Variants in MDGA2 observed in about 807,000 individuals in gnomAD.
MDGA2 encodes the protein MAM domain-containing glycosylphosphatidylinositol anchor protein 2.
Under a neutral mutation model 117.8 loss-of-function variants are expected in MDGA2, and 40 were observed. The observed-to-expected ratio is 0.34, with a 90% CI of 0.26 to 0.44. The LOEUF (loss-of-function observed/expected upper bound fraction) is 0.44, where lower values mean the gene tolerates loss of function less well. Among genes scored for constraint, MDGA2 ranks in the 20% least tolerant of loss-of-function variants. MDGA2 has a pLI of 1.00. For synonymous variants in MDGA2, 452 were observed against 439.0 expected (o/e 1.03, Z -0.37); for missense variants, 1,123 against 1,250.6 (o/e 0.90, Z 1.54).
chr14:47,463,051 C>T (rs1177319889), intron 1 of MDGA2, among the ~76,000 whole-genome samples: 1 of 151,944 alleles, frequency 6.6e-6, no homozygotes, highest in Non-Finnish European at 1.5e-5. Context: ...CAGAAATAAA[C>T]TAAAATCTAA....
At chr14:47,383,245 A>G (rs1891677401) in intron 1 of MDGA2, among the ~76,000 whole-genome samples, 1 of 152,156 alleles carries the variant, frequency 6.6e-6, no homozygotes, top group East Asian at 1.9e-4. Flanking sequence ...TATCTAATGT[A>G]AATGATGAGT....
Position 47,175,657 on chromosome 14 carries a change from A to C in MDGA2, c.596-31383T>G, listed in dbSNP as rs1426354446. On this transcript the variant is annotated intron_variant, in intron 3 of 16. Transcript: ENST00000399232. Reference sequence around the variant, plus strand: ...TATTGATGGGACGTATCTCAAAATAATAAGAGCTATCTATGACAAACCCAC... The same window carrying C: ...TATTGATGGGACGTATCTCAAAATACTAAGAGCTATCTATGACAAACCCAC... 9.2e-5 allele frequency among the ~76,000 whole-genome samples: 14 copies of C among 151,862 alleles called. No homozygotes were observed. In the South Asian group the frequency reaches 2.3e-3, roughly 25 times the overall value.
At chr14:47,471,600 A>C (rs1893730059) in intron 1 of MDGA2, among the ~76,000 whole-genome samples, 1 of 152,244 alleles carries the variant, frequency 6.6e-6, no homozygotes, top group Admixed American at 6.5e-5. Flanking sequence ...AGTTTTGCTT[A>C]CATGGATTTA....
At chr14:47,347,356 G>C (rs1329470675) in intron 1 of MDGA2, among the ~76,000 whole-genome samples, 1 of 152,142 alleles carries the variant, frequency 6.6e-6, no homozygotes, top group Non-Finnish European at 1.5e-5. Context: ...TTAGAAAAAG[G>C]CAGAAAACAT....
chr14:47,349,917 C>G (rs183619790), intron 1 of MDGA2, among the ~76,000 whole-genome samples: 1 of 152,326 alleles, frequency 6.6e-6, no homozygotes, highest in Middle Eastern at 3.4e-3. Flanking sequence ...GTGAGAGGCA[C>G]TGGCAGGAGA....
At position 47,377,103 on chromosome 14, in the gene MDGA2, G is replaced by C. The variant is rs376625865; in HGVS notation, c.281-75553C>G. Among the ~76,000 whole-genome samples, 38 of 152,232 alleles carry C rather than the reference G, an allele frequency of 2.5e-4. 2 individuals are homozygous for C. In the East Asian group the frequency reaches 2.5e-3, roughly 10 times the overall value. ...GTGGTTTTCTGTGGAGAGGAGAAAT[G>C]GGTACTTAGAATGAGATGATATATA... On this transcript the variant is annotated intron_variant, in intron 1 of 16. Coordinates refer to ENST00000399232, the MANE Select transcript of MDGA2 (RefSeq NM_001113498.3).
In MDGA2 at chr14:47,312,823, C is replaced by G. The variant is rs575922366; in HGVS notation, c.281-11273G>C. On this transcript the variant is annotated intron_variant, in intron 1 of 16. Transcript: ENST00000399232. The stretch of plus-strand genomic sequence containing the variant: ...GGAATTTCAGGCATGAGCCACCATG[C>G]CTGGCCTATCACAGAACCTTAGAAT... 6.1e-5 allele frequency among the ~76,000 whole-genome samples: 9 copies of G among 148,754 alleles called. No homozygotes were observed. The East Asian group carries it at 1.8e-3, about 30-fold the overall frequency.
intron 1 of MDGA2, among the ~76,000 whole-genome samples, chr14:47,493,130 A>G (rs1894207181): frequency 6.6e-6 from 1 of 151,868 alleles, no homozygotes; most frequent in African/African-American, 2.4e-5. Context: ...ATTTTAAACT[A>G]TCTTTGCAAT....
intron 7 of MDGA2, among the ~76,000 whole-genome samples, chr14:47,046,187 G>T (rs1385543987): frequency 1.3e-5 from 2 of 151,298 alleles, no homozygotes; most frequent in Non-Finnish European, 2.9e-5. Context: ...AAGAAAGGGG[G>T]TATGATAAGA....
chr14:47,644,398 A>G (rs944789638), intron 1 of MDGA2, among the ~76,000 whole-genome samples: 1 of 152,220 alleles, frequency 6.6e-6, no homozygotes, highest in Non-Finnish European at 1.5e-5. Context: ...AAAAGATTAC[A>G]ATCTTGTCAT....
At chr14:47,472,231 G>C (rs1269166321) in intron 1 of MDGA2, among the ~76,000 whole-genome samples, 2 of 152,146 alleles carry the variant, frequency 1.3e-5, no homozygotes, top group Non-Finnish European at 2.9e-5. Flanking sequence ...ATACAGTCAT[G>C]TGTTGATTAA....
rs374222551 is a variant in MDGA2 at position 46,854,992 on chromosome 14, A to G, written c.2883+32T>C. ...CACCTTTAATATTATGCTCATTTAC[A>G]GCAATTAATTAGCCAAAACTACTTT... On this transcript the variant is annotated intron_variant, in intron 15 of 16. Coordinates refer to ENST00000399232, the MANE Select transcript of MDGA2 (RefSeq NM_001113498.3). The G allele has an allele frequency of 5.8e-4, 894 of 1,550,288 alleles. 2 individuals are homozygous for G. Among genetic ancestry groups the G allele is most frequent in the Middle Eastern group, 2.9e-3 (17 of 5,770 alleles).
chr14:47,236,301 A>AAAC (rs1886860887), intron 2 of MDGA2, among the ~76,000 whole-genome samples: 1 of 150,848 alleles, frequency 6.6e-6, no homozygotes, highest in Non-Finnish European at 1.5e-5. Context: ...AAAAAAAAAA[A>AAAC]AAAAAAAAAA....
At chr14:47,118,582 C>A (rs1333435142) in intron 5 of MDGA2, among the ~76,000 whole-genome samples, 1 of 152,076 alleles carries the variant, frequency 6.6e-6, no homozygotes, top group African/African-American at 2.4e-5. Context: ...CTGAAATATC[C>A]TTGTAGAGCA....
Position 47,518,302 on chromosome 14 carries a change from T to C in MDGA2, c.280+156215A>G, listed in dbSNP as rs1439358507. Among the ~76,000 whole-genome samples, 4 of 152,158 alleles carry C rather than the reference T, an allele frequency of 2.6e-5. No individual in the cohort carries two copies. The South Asian group carries it at 8.3e-4, about 32-fold the overall frequency. ...TGCAGGAGAACAAATGTGCTAAATT[T>C]CTTTTTAATAAGAAGAGAACAATAA... On this transcript the variant is annotated intron_variant, in intron 1 of 16. Transcript: ENST00000399232.
chr14:47,209,497 A>G (rs1885806678), intron 3 of MDGA2, among the ~76,000 whole-genome samples: 1 of 152,206 alleles, frequency 6.6e-6, no homozygotes, highest in South Asian at 2.1e-4. Flanking sequence ...AGACTCCAGT[A>G]GGTGCTCTGT....
At chr14:47,027,322 G>A (rs929874512) in intron 8 of MDGA2, among the ~76,000 whole-genome samples, 1 of 152,050 alleles carries the variant, frequency 6.6e-6, no homozygotes, top group South Asian at 2.1e-4. Context: ...GTGGACAGAA[G>A]TACCTAGCTG....
intron 14 of MDGA2, among the ~76,000 whole-genome samples, chr14:46,864,745 C>T (rs987434938): frequency 2.6e-5 from 4 of 151,672 alleles, no homozygotes; most frequent in Non-Finnish European, 4.4e-5. Flanking sequence ...TAACAGAAAG[C>T]GTGACTTAAT....
chr14:47,627,364 A>C (rs1897166453), intron 1 of MDGA2, among the ~76,000 whole-genome samples: 1 of 150,888 alleles, frequency 6.6e-6, no homozygotes, highest in Non-Finnish European at 1.5e-5. Flanking sequence ...CTCTGTGTCT[A>C]GTTAATCTGG....
Sources: gnomAD v4.1 joint callset for allele counts (sites outside exome capture counted in the v4.1 genomes callset) on GRCh38, gnomAD v4.1.1 for gene constraint, MANE v1.5 for transcripts, NCBI Gene and HGNC (gene_info 2026-07-23, HGNC 2026-07-21) for gene names.